The following TUSC3 variants were observed in gnomAD, a reference collection of about 807,000 sequenced individuals.
TUSC3 encodes dolichyl-diphosphooligosaccharide--protein glycosyltransferase subunit TUSC3.
A neutral mutation model predicts 44.8 loss-of-function variants in TUSC3; 45 were observed. The observed-to-expected ratio is 1.00, with a 90% CI of 0.79 to 1.29. The LOEUF is 1.29. Ranked by LOEUF, TUSC3 falls within the 50% of genes most tolerant of loss-of-function variation. TUSC3 has a pLI of 0.00. For synonymous variants in TUSC3, 212 were observed against 152.9 expected (o/e 1.39, Z -2.85); for missense variants, 519 against 437.9 (o/e 1.19, Z -1.65).
intron 2 of TUSC3, among the ~76,000 whole-genome samples, chr8:15,634,324 C>G (rs118189536): frequency 0.013 from 2,012 of 152,324 alleles, 22 homozygotes; most frequent in Middle Eastern, 0.027. Context: ...TTGATGAATA[C>G]ATTGTGTCCA....
intron 6 of TUSC3, among the ~76,000 whole-genome samples, chr8:15,722,106 A>G (rs1457342005): frequency 6.6e-6 from 1 of 151,994 alleles, no homozygotes; most frequent in African/African-American, 2.4e-5. Context: ...GGGTTGTTTT[A>G]CGTTATCCTA....
chr8:15,641,051 C>T (rs1246998275), intron 2 of TUSC3, among the ~76,000 whole-genome samples: 1 of 152,112 alleles, frequency 6.6e-6, no homozygotes, highest in Non-Finnish European at 1.5e-5. Context: ...GCCATGTGTG[C>T]TCTGTAGCTA....
At chr8:15,627,274 C>A (rs773075081) in intron 2 of TUSC3, among the ~76,000 whole-genome samples, 4 of 152,144 alleles carry the variant, frequency 2.6e-5, no homozygotes, top group Non-Finnish European at 4.4e-5. Flanking sequence ...GGACAGCCTG[C>A]CTGGCAGAAA....
In TUSC3 at chr8:15,623,172, A is replaced by G. The variant is rs1452732235; in HGVS notation, c.231A>G (p.Ile77Met). 1.2e-6 allele frequency: 2 copies of G among 1,613,800 alleles called. No individual in the cohort carries two copies. The highest frequency in any genetic ancestry group is 1.1e-5 in the South Asian group (1 of 91,040). ...ATGGTGATAAATTCCGAAAATTTAT[A>G]AAGGCACCACCTCGAAACTATTCCA... Reference protein sequence around the residue: ...RMNGDKFRKFIKAPPRNYSMI... With the variant: ...RMNGDKFRKFMKAPPRNYSMI... The change falls in exon 2 of 11, where the codon ATA becomes ATG. Residue 77 changes from isoleucine to methionine, a missense_variant. Physicochemically the swap from Ile to Met is conservative, Grantham distance 10. Coordinates refer to ENST00000503731, the MANE Select transcript of TUSC3 (RefSeq NM_006765.4).
At chr8:15,807,742 CCAAA>C in the TUSC3 span, among the ~76,000 whole-genome samples, 1 of 152,060 alleles carries the variant, frequency 6.6e-6, no homozygotes, top group African/African-American at 2.4e-5. Context: ...GGCCATTATC[CCAAA>C]CAAATTAACA....
the TUSC3 span, among the ~76,000 whole-genome samples, chr8:15,818,012 G>A: frequency 2.2e-3 from 340 of 152,258 alleles, 1 homozygote; most frequent in African/African-American, 7.7e-3. Context: ...TGTGATGAAG[G>A]AGAGAAAGGA....
chr8:15,827,782 G>C, the TUSC3 span, among the ~76,000 whole-genome samples: 6 of 152,100 alleles, frequency 3.9e-5, no homozygotes, highest in Admixed American at 3.3e-4. Context: ...GGATAATTTA[G>C]ATGAAGAGAT....
chr8:15,613,591 A>G (rs1158924332), intron 1 of TUSC3, among the ~76,000 whole-genome samples: 1 of 152,104 alleles, frequency 6.6e-6, no homozygotes, highest in Non-Finnish European at 1.5e-5. Context: ...GTCTTCTGCC[A>G]TGATTGTGAG....
chr8:15,729,045 A>C (rs1056743698), intron 6 of TUSC3, among the ~76,000 whole-genome samples: 2 of 152,180 alleles, frequency 1.3e-5, no homozygotes, highest in African/African-American at 4.8e-5. Flanking sequence ...CAGAGAAGAT[A>C]CTGTTACTGA....
the TUSC3 span, among the ~76,000 whole-genome samples, chr8:15,843,132 T>G: frequency 6.6e-6 from 1 of 152,204 alleles, no homozygotes; most frequent in Non-Finnish European, 1.5e-5. Flanking sequence ...TCTCTTCCTT[T>G]TCTTTCCTTT....
At position 15,667,468 on chromosome 8, in the gene TUSC3, G is replaced by A. The variant is rs1807717694; in HGVS notation, c.708+5172G>A. 2.6e-5 allele frequency among the ~76,000 whole-genome samples: 4 copies of A among 151,512 alleles called. No homozygotes were observed. The South Asian group carries it at 8.3e-4, about 31-fold the overall frequency. The stretch of plus-strand genomic sequence containing the variant: ...GTTACTCTGCTGATTTATACCACCT[G>A]TTTATTAAGTAATGTCATTAAATTA... On this transcript the variant is annotated intron_variant, in intron 5 of 10. Transcript: ENST00000503731.
chr8:15,808,631 C>T, the TUSC3 span, among the ~76,000 whole-genome samples: 5 of 152,108 alleles, frequency 3.3e-5, no homozygotes, highest in African/African-American at 1.2e-4. Context: ...AGAAGCAGCC[C>T]AAGCATAAGT....
intron 2 of TUSC3, among the ~76,000 whole-genome samples, chr8:15,649,188 A>T (rs1038227699): frequency 2.0e-5 from 3 of 152,182 alleles, no homozygotes; most frequent in African/African-American, 7.2e-5. Flanking sequence ...AAGAAATCAC[A>T]TAAGGTTTTC....
intron 1 of TUSC3, among the ~76,000 whole-genome samples, chr8:15,424,736 C>T (rs1799782943): frequency 6.6e-6 from 1 of 151,986 alleles, no homozygotes; most frequent in African/African-American, 2.4e-5. Flanking sequence ...AAAAATTAGC[C>T]AGGCGTGGTG....
At chr8:15,773,281 C>T in the TUSC3 span, among the ~76,000 whole-genome samples, 1 of 152,096 alleles carries the variant, frequency 6.6e-6, no homozygotes, top group Non-Finnish European at 1.5e-5. Flanking sequence ...TTGCAGGATA[C>T]ATGGTTAACA....
At chr8:15,493,345 C>A (rs1190162720) in intron 2 of TUSC3, among the ~76,000 whole-genome samples, 1 of 152,090 alleles carries the variant, frequency 6.6e-6, no homozygotes, top group Non-Finnish European at 1.5e-5. Context: ...ACAGCAGGGT[C>A]AAACTCCTGG....
chr8:15,589,195 A>G (rs1803721284), intron 1 of TUSC3, among the ~76,000 whole-genome samples: 1 of 152,110 alleles, frequency 6.6e-6, no homozygotes, highest in Non-Finnish European at 1.5e-5. Flanking sequence ...TTGAGCCTAT[A>G]TGTGTCTTTA....
At chr8:15,738,857 G>A (rs1164605257) in intron 7 of TUSC3, among the ~76,000 whole-genome samples, 9 of 54,374 alleles carry the variant, frequency 1.7e-4, no homozygotes, top group African/African-American at 5.9e-4. Context: ...TTTTGAGAGG[G>A]AGTCTCACTC....
At chr8:15,477,810 T>C (rs1020899002) in intron 1 of TUSC3, among the ~76,000 whole-genome samples, 2 of 152,166 alleles carry the variant, frequency 1.3e-5, no homozygotes, top group African/African-American at 4.8e-5. Context: ...ATTCTACATG[T>C]GATGGTATTG....
Sources: allele counts gnomAD v4.1 joint callset (sites outside exome capture counted in the v4.1 genomes callset), GRCh38; gene constraint gnomAD v4.1.1; transcripts MANE v1.5; gene names NCBI Gene and HGNC (gene_info 2026-07-23, HGNC 2026-07-21).